The following NSD3 variants were observed in gnomAD, a reference collection of about 807,000 sequenced individuals.
NSD3 encodes nuclear receptor binding SET domain protein 3, also known as histone-lysine N-methyltransferase NSD3.
Under a neutral mutation model 160.8 loss-of-function variants are expected in NSD3, and 24 were observed. The ratio of observed to expected loss-of-function variants is 0.15; its 90% CI spans 0.11 to 0.21. The LOEUF (loss-of-function observed/expected upper bound fraction) is 0.21, where lower values mean the gene tolerates loss of function less well. Among genes scored for constraint, NSD3 ranks in the 10% least tolerant of loss-of-function variants. The pLI, the probability that NSD3 is intolerant of heterozygous loss-of-function variation, is 1.00. For synonymous variants in NSD3, 520 were observed against 600.0 expected (o/e 0.87, Z 1.95); for missense variants, 1,157 against 1,735.9 (o/e 0.67, Z 5.93).
rs1388094162 is a variant in NSD3 at position 38,274,923 on chromosome 8, C to T, written c.*718G>A. On this transcript the variant is annotated 3_prime_UTR_variant, in exon 24 of 24. Coordinates refer to ENST00000317025, the MANE Select transcript of NSD3 (RefSeq NM_023034.2). ...AGTGAGCACATCCATTCCTTTTTTT[C>T]CTTCCACCAAGGAAACACACCATAT... The T allele has an allele frequency of 2.6e-5, 5 of 193,706 alleles. No individual in the cohort carries two copies. The highest frequency in any genetic ancestry group is 1.1e-5 in the Non-Finnish European group (1 of 92,988). 12.0% of individuals were successfully genotyped at this position (193,706 alleles called of 1,614,324 possible). A position where few individuals can be genotyped will look rare whatever the true frequency, so the allele number is the denominator to read the frequency against.
At chr8:38,357,118 CAAAAAAAAAA>C (rs966483645) in intron 1 of NSD3, among the ~76,000 whole-genome samples, 4 of 21,314 alleles carry the variant, frequency 1.9e-4, no homozygotes, top group Admixed American at 6.2e-4. Flanking sequence ...GACACCATCT[CAAAAAAAAAA>C]AAAAAAAAAA....
At chr8:38,369,085 T>C (rs1811174600) in intron 1 of NSD3, among the ~76,000 whole-genome samples, 1 of 152,218 alleles carries the variant, frequency 6.6e-6, no homozygotes, top group African/African-American at 2.4e-5. Context: ...CAATTTATTA[T>C]ATCTAAATAA....
At chr8:38,294,700 A>T (rs1487534989) in intron 16 of NSD3, among the ~76,000 whole-genome samples, 3 of 152,138 alleles carry the variant, frequency 2.0e-5, no homozygotes, top group Admixed American at 2.0e-4. Flanking sequence ...ATCTCTGGCC[A>T]AGTGTGGTGG....
intron 2 of NSD3, among the ~76,000 whole-genome samples, chr8:38,345,661 G>A (rs540580572): frequency 3.2e-4 from 48 of 151,954 alleles, no homozygotes; most frequent in Non-Finnish European, 5.3e-4. Flanking sequence ...CTGTAATCCC[G>A]GCACTTTGAG....
At position 38,272,862 on chromosome 8, in the gene NSD3, A is replaced by G. The variant is rs1485794317; in HGVS notation, c.*2779T>C. On this transcript the variant is annotated 3_prime_UTR_variant, in exon 24 of 24. Coordinates refer to ENST00000317025, the MANE Select transcript of NSD3 (RefSeq NM_023034.2). ...ACAGTGCATGTATACTCATGCACAC[A>G]TAAAGGACAATTTTCTCTTTCTGCA... The G allele has an allele frequency of 6.6e-6, 1 of 152,234 alleles. No individual in the cohort carries two copies. The highest frequency in any genetic ancestry group is 1.5e-5 in the Non-Finnish European group (1 of 68,038). 9.4% of individuals were successfully genotyped at this position (152,234 alleles called of 1,614,324 possible).
At chr8:38,357,746 G>T (rs1398671784) in intron 1 of NSD3, among the ~76,000 whole-genome samples, 2 of 152,136 alleles carry the variant, frequency 1.3e-5, no homozygotes, top group African/African-American at 4.8e-5. Flanking sequence ...TAACTCAAAG[G>T]CTCAGAGGAG....
chr8:38,374,066 G>T (rs1811327509), intron 1 of NSD3, among the ~76,000 whole-genome samples: 1 of 151,556 alleles, frequency 6.6e-6, no homozygotes, highest in Non-Finnish European at 1.5e-5. Flanking sequence ...AGTGAGCCAT[G>T]ACTGTGCCAC....
intron 19 of NSD3, among the ~76,000 whole-genome samples, chr8:38,286,019 C>T (rs145956557): frequency 1.3e-5 from 2 of 152,146 alleles, no homozygotes; most frequent in Admixed American, 1.3e-4. Context: ...TCAAGGTGGC[C>T]CCGGTGATGC....
chr8:38,366,567 C>T (rs889448265), intron 1 of NSD3, among the ~76,000 whole-genome samples: 7 of 152,040 alleles, frequency 4.6e-5, no homozygotes, highest in Middle Eastern at 3.4e-3. Flanking sequence ...GCGCCCGCCA[C>T]CACACCTGGC....
chr8:38,340,121 C>T (rs757523479), intron 2 of NSD3, among the ~76,000 whole-genome samples: 17 of 151,716 alleles, frequency 1.1e-4, no homozygotes, highest in African/African-American at 1.9e-4. Flanking sequence ...ATTACTTCTA[C>T]AATTTAAAAG....
rs948029285 is a variant in NSD3 at position 38,270,978 on chromosome 8, G to C, written c.*4663C>G. On this transcript the variant is annotated 3_prime_UTR_variant, in exon 24 of 24. Coordinates refer to ENST00000317025, the MANE Select transcript of NSD3 (RefSeq NM_023034.2). ...ATTACCCACATTTTGGGAGTGTAACGTAAGTGCAATTTTTTGTTTTGTTTT... is the reference window on the plus strand; with the variant it reads ...ATTACCCACATTTTGGGAGTGTAACCTAAGTGCAATTTTTTGTTTTGTTTT... 6.6e-6 allele frequency: 1 copy of C among 152,156 alleles called. No homozygotes were observed. The highest frequency in any genetic ancestry group is 1.9e-4 in the East Asian group (1 of 5,200). The allele number at this position is 152,156 out of a possible 1,614,324, so 9.4% of individuals were successfully genotyped here.
Position 38,316,161 on chromosome 8 carries a change from C to G in NSD3, c.1856-119G>C. On this transcript the variant is annotated intron_variant, in intron 9 of 23. Coordinates refer to ENST00000317025, the MANE Select transcript of NSD3 (RefSeq NM_023034.2). This position sits in a 1 kb window ranked among gnomAD's most constrained non-coding sequence, Gnocchi z 4.5. ...CATCTTTAGTGTGGAAAAAGCATAGCTCTCTTTGTAACACTGAAATAATGA... is the reference window on the plus strand; with the variant it reads ...CATCTTTAGTGTGGAAAAAGCATAGGTCTCTTTGTAACACTGAAATAATGA... 1 of 1,390,462 alleles carries G rather than the reference C, an allele frequency of 7.2e-7. No individual in the cohort carries two copies. Among genetic ancestry groups the G allele is most frequent in the African/African-American group, 1.4e-5 (1 of 69,242 alleles). The allele number at this position is 1,390,462 out of a possible 1,614,324, so 86.1% of individuals were successfully genotyped here.
intron 1 of NSD3, among the ~76,000 whole-genome samples, chr8:38,351,298 A>C (rs1810694277): frequency 6.6e-6 from 1 of 151,698 alleles, no homozygotes; most frequent in Non-Finnish European, 1.5e-5. Context: ...GTTCTAAAGC[A>C]GGAAGGACAA....
chr8:38,288,677 TC>T lies in NSD3; in HGVS notation c.3310del (p.Asp1104MetfsTer12). 1 of 1,614,254 alleles carries T rather than the reference TC, an allele frequency of 6.2e-7. No individual in the cohort carries two copies. The highest frequency in any genetic ancestry group is 8.5e-7 in the Non-Finnish European group (1 of 1,180,050). ...CGATTCCAAGCCACAAGGGTTTTCATCAGCTGGCTTGCAGTTACAGCGGGGA... is the reference window on the plus strand; with the variant it reads ...CGATTCCAAGCCACAAGGGTTTTCATAGCTGGCTTGCAGTTACAGCGGGGA... ...EIPRCNCKPA[D>X]ENPCGLESEC... On this transcript the variant is annotated frameshift_variant, in exon 19 of 24. Coordinates refer to ENST00000317025, the MANE Select transcript of NSD3 (RefSeq NM_023034.2). LOFTEE classifies it high-confidence loss of function. The surrounding 1 kb of genome is among the most constrained non-coding windows in gnomAD (Gnocchi z 4.5).
At chr8:38,360,708 C>A (rs1392465870) in intron 1 of NSD3, among the ~76,000 whole-genome samples, 1 of 152,104 alleles carries the variant, frequency 6.6e-6, no homozygotes, top group Non-Finnish European at 1.5e-5. Context: ...AGAAAGAACT[C>A]TAAGCTGCTG....
At chr8:38,293,756 G>A (rs1361187258) in intron 16 of NSD3, among the ~76,000 whole-genome samples, 2 of 146,664 alleles carry the variant, frequency 1.4e-5, no homozygotes, top group Middle Eastern at 3.8e-3. Flanking sequence ...AACCCCGTCT[G>A]TACTAAAATT....
At chr8:38,341,519 C>A (rs1375802530) in intron 2 of NSD3, among the ~76,000 whole-genome samples, 47 of 143,922 alleles carry the variant, frequency 3.3e-4, no homozygotes, top group Non-Finnish European at 5.4e-4. Flanking sequence ...ACCTGGGTGA[C>A]AGAGCGAGAC....
At chr8:38,326,708 T>C in intron 7 of NSD3, 22 bp downstream of exon 7, 6 of 1,610,622 alleles carry the variant, frequency 3.7e-6, no homozygotes, top group Non-Finnish European at 5.1e-6. Context: ...TGGACCTATA[T>C]ATACTTTTCA....
At chr8:38,373,061 AAAG>A (rs1467191251) in intron 1 of NSD3, among the ~76,000 whole-genome samples, 2 of 151,764 alleles carry the variant, frequency 1.3e-5, no homozygotes, top group Admixed American at 6.6e-5. Context: ...AAAAAAAAAA[AAAG>A]AAAGAAAGAA....
Sources: gnomAD v4.1 joint callset for allele counts (sites outside exome capture counted in the v4.1 genomes callset) on GRCh38, gnomAD v4.1.1 for gene constraint, Gnocchi (gnomAD v3.1) non-coding constraint, MANE v1.5 for transcripts, NCBI Gene and HGNC (gene_info 2026-07-23, HGNC 2026-07-21) for gene names.